PCDHA4: variants seen among roughly 807,000 people sequenced by gnomAD.
PCDHA4 encodes protocadherin alpha-4.
PCDHA4 carries 49 observed loss-of-function variants against 61.4 expected under a neutral mutation model. The observed-to-expected ratio is 0.80, with a 90% CI of 0.63 to 1.01. The LOEUF is 1.01. Ranked by LOEUF, PCDHA4 falls within the 50% of genes least tolerant of loss-of-function variation. The probability of loss-of-function intolerance (pLI) is 0.00; values close to 1 mark genes in which losing one functional copy is unlikely to be tolerated. For missense variants in PCDHA4, 1,254 were observed against 1,235.8 expected, an observed-to-expected ratio of 1.01 and a Z score of -0.22; for synonymous variants, 590 against 550.3, an observed-to-expected ratio of 1.07 and a Z score of -1.01.
Position 140,928,044 on chromosome 5 carries a change from T to C in PCDHA4, c.2386-50905T>C, listed in dbSNP as rs782342331. The C allele has an allele frequency of 4.6e-5, 75 of 1,614,078 alleles. 1 individual carries two copies. The highest frequency in any genetic ancestry group is 3.0e-4 in the Admixed American group (18 of 60,006). On this transcript the variant is annotated intron_variant, in intron 1 of 3. Transcript: ENST00000530339. The stretch of plus-strand genomic sequence containing the variant: ...TTTGTGGCATGTCTAGTGCAGGCCC[T>C]TTTCAGCTGACGGCTTCCTTTGACA...
chr5:140,870,987 C>A, intron 1 of PCDHA4: 1 of 1,613,452 alleles, frequency 6.2e-7, no homozygotes, highest in Non-Finnish European at 8.5e-7. Flanking sequence ...TGTACACGGG[C>A]GAGATAAGCA....
chr5:140,870,055 G>A (rs868919509), intron 1 of PCDHA4: 6 of 1,613,774 alleles, frequency 3.7e-6, no homozygotes, highest in Non-Finnish European at 5.1e-6. Context: ...TTATAAAATT[G>A]AAGTACAGGC....
intron 1 of PCDHA4, chr5:140,829,395 T>C (rs1554131925): frequency 3.7e-6 from 6 of 1,614,052 alleles, no homozygotes; most frequent in Non-Finnish European, 5.1e-6. Flanking sequence ...TCGCCTTCGC[T>C]GTGGGCCACC....
chr5:140,827,884 A>T, intron 1 of PCDHA4: 1 of 684,502 alleles, frequency 1.5e-6, no homozygotes, highest in East Asian at 2.6e-5. Context: ...ACGTGAATTG[A>T]TTTCTTACCT....
At position 141,009,798 on chromosome 5, in the gene PCDHA4, A is replaced by T; in HGVS notation, c.2705A>T (p.Asn902Ile). 1 of 1,614,116 alleles carries T rather than the reference A, an allele frequency of 6.2e-7. No individual in the cohort carries two copies. The highest frequency in any genetic ancestry group is 2.2e-5 in the East Asian group (1 of 44,868). Residue 902 changes from asparagine (N) to isoleucine (I), a missense_variant, in exon 4 of 4, where the codon AAC (asparagine) becomes ATC (isoleucine). Asn to Ile is a moderately radical substitution (Grantham distance 149). Coordinates refer to ENST00000530339, the MANE Select transcript of PCDHA4 (RefSeq NM_018907.4). The stretch of plus-strand genomic sequence containing the variant: ...ATCTCCATCCGGCAGGAGCCTACTA[A>T]CAGCCAAATTGACAAAAGTGACTTC... Reference protein sequence around the residue: ...AIISIRQEPTNSQIDKSDFIT... With the variant: ...AIISIRQEPTISQIDKSDFIT...
chr5:140,900,717 A>G (rs2068252980), intron 1 of PCDHA4, among the ~76,000 whole-genome samples: 1 of 152,136 alleles, frequency 6.6e-6, no homozygotes, highest in South Asian at 2.1e-4. Flanking sequence ...AAGAAAGGAA[A>G]TCCTACCTAG....
intron 1 of PCDHA4, chr5:140,828,831 AC>A: frequency 6.2e-7 from 1 of 1,614,230 alleles, no homozygotes; most frequent in African/African-American, 1.3e-5. Context: ...CAGTCTGAAT[AC>A]GAAGTAAGAA....
chr5:140,932,203 T>C (rs1415160763), intron 1 of PCDHA4, among the ~76,000 whole-genome samples: 1 of 151,924 alleles, frequency 6.6e-6, no homozygotes, highest in Non-Finnish European at 1.5e-5. Context: ...TCTGTTAATA[T>C]TCTTGATGGG....
At position 140,982,478 on chromosome 5, in the gene PCDHA4, T is replaced by C; in HGVS notation, c.2448T>C (p.Ser816=). ...CTGGGTCTGTGTGTTTATTCAGCTCTGTGCACCTAGAGGAGGCTGGCATTC... is the reference window on the plus strand; with the variant it reads ...CTGGGTCTGTGTGTTTATTCAGCTCCGTGCACCTAGAGGAGGCTGGCATTC... ...SASLRAGMHS[S]VHLEEAGILR... Residue 816 remains serine (S), a synonymous_variant, in exon 3 of 4, where the codon TCT becomes TCC. Coordinates refer to ENST00000530339, the MANE Select transcript of PCDHA4 (RefSeq NM_018907.4). 1 of 1,614,192 alleles carries C rather than the reference T, an allele frequency of 6.2e-7. No individual in the cohort carries two copies. The highest frequency in any genetic ancestry group is 2.2e-5 in the East Asian group (1 of 44,884).
At chr5:140,912,174 A>G (rs2075803513) in intron 1 of PCDHA4, among the ~76,000 whole-genome samples, 1 of 152,166 alleles carries the variant, frequency 6.6e-6, no homozygotes, top group Non-Finnish European at 1.5e-5. Flanking sequence ...CTGTGCTGGC[A>G]GCTGATTAGA....
At chr5:140,967,585 C>T (rs1278675624) in intron 1 of PCDHA4, 1 of 1,614,152 alleles carries the variant, frequency 6.2e-7, no homozygotes, top group Non-Finnish European at 8.5e-7. Flanking sequence ...CACCCCCAGG[C>T]ACATTGGTGG....
At chr5:140,884,549 G>C (rs782470468) in intron 1 of PCDHA4, 2 of 1,614,016 alleles carry the variant, frequency 1.2e-6, no homozygotes, top group Non-Finnish European at 1.7e-6. Flanking sequence ...GGTGTGCTCT[G>C]GGGAGGGCCC....
chr5:140,831,497 A>G (rs1771562992), intron 1 of PCDHA4, among the ~76,000 whole-genome samples: 2 of 106,812 alleles, frequency 1.9e-5, no homozygotes, highest in Non-Finnish European at 3.8e-5. Context: ...GTTACTACAC[A>G]CGAGCACCAC....
At chr5:140,858,512 T>C in intron 1 of PCDHA4, 1 of 1,426,790 alleles carries the variant, frequency 7.0e-7, no homozygotes, top group Non-Finnish European at 9.7e-7. Flanking sequence ...CTCAAATATG[T>C]ATCAGAATAT....
At chr5:140,834,787 C>G in intron 1 of PCDHA4, 1 of 1,613,658 alleles carries the variant, frequency 6.2e-7, no homozygotes, top group Non-Finnish European at 8.5e-7. Flanking sequence ...GTGTTCCCAG[C>G]GACACAAAGG....
At chr5:140,974,284 G>C (rs1409183152) in intron 1 of PCDHA4, among the ~76,000 whole-genome samples, 2 of 152,092 alleles carry the variant, frequency 1.3e-5, no homozygotes, top group Non-Finnish European at 2.9e-5. Flanking sequence ...CAGAACTCTG[G>C]GCTCCAAGGA....
At chr5:140,895,802 C>CTGTAT (rs1289601886) in intron 1 of PCDHA4, among the ~76,000 whole-genome samples, 86 of 152,166 alleles carry the variant, frequency 5.7e-4, no homozygotes, top group African/African-American at 1.6e-3. Context: ...ATGTACAATA[C>CTGTAT]TGTATTGTAT....
At position 141,012,035 on chromosome 5, in the gene PCDHA4, G is replaced by A. The variant is rs908623831; in HGVS notation, c.*2098G>A. The A allele has an allele frequency of 1.3e-5, 2 of 153,684 alleles. No individual in the cohort carries two copies. The highest frequency in any genetic ancestry group is 2.9e-5 in the Non-Finnish European group (2 of 68,026). The allele number at this position is 153,684 out of a possible 1,614,324, so 9.5% of individuals were successfully genotyped here. A position where few individuals can be genotyped will look rare whatever the true frequency, so the allele number is the denominator to read the frequency against. On this transcript the variant is annotated 3_prime_UTR_variant, in exon 4 of 4. Coordinates refer to ENST00000530339, the MANE Select transcript of PCDHA4 (RefSeq NM_018907.4). The stretch of plus-strand genomic sequence containing the variant: ...TGTGTAACTTCAGCTCTGCAGGATT[G>A]CATGGGGTAAAACTTGTTACCAACA...
intron 1 of PCDHA4, among the ~76,000 whole-genome samples, chr5:140,895,301 C>T (rs2064953096): frequency 6.6e-6 from 1 of 152,000 alleles, no homozygotes; most frequent in Non-Finnish European, 1.5e-5. Flanking sequence ...TCGATTTCCC[C>T]CCTTCCACCC....
Sources: allele counts gnomAD v4.1 joint callset (sites outside exome capture counted in the v4.1 genomes callset), GRCh38; gene constraint gnomAD v4.1.1; transcripts MANE v1.5; gene names NCBI Gene and HGNC (gene_info 2026-07-23, HGNC 2026-07-21).